The following PTGR3 variants were observed in gnomAD, a reference collection of about 807,000 sequenced individuals.
The protein encoded by PTGR3 is prostaglandin reductase 3.
the PTGR3 span, chr18:75,201,325 C>T: frequency 8.9e-7 from 1 of 1,120,446 alleles, no homozygotes; most frequent in Non-Finnish European, 1.3e-6. Context: ...ATATTATATC[C>T]ATTACCAACT....
chr18:75,206,397 C>T, the PTGR3 span, among the ~76,000 whole-genome samples: 218 of 152,320 alleles, frequency 1.4e-3, no homozygotes, highest in Middle Eastern at 0.01. Context: ...TAGGCTTACT[C>T]AATTCATTCT....
the PTGR3 span, chr18:75,201,876 T>G: frequency 6.2e-7 from 1 of 1,614,090 alleles, no homozygotes; most frequent in Non-Finnish European, 8.5e-7. Context: ...GGGTTCAGTT[T>G]TATAGTTGAT....
chr18:75,204,693 C>G, the PTGR3 span, among the ~76,000 whole-genome samples: 1 of 152,134 alleles, frequency 6.6e-6, no homozygotes. Flanking sequence ...GGGCCGGGAC[C>G]GCGCAGGCCC....
At chr18:75,195,177 A>G in the PTGR3 span, 1 of 152,248 alleles carries the variant, frequency 6.6e-6, no homozygotes. Context: ...TCCTAGCATT[A>G]AAACTAAATT....
the PTGR3 span, among the ~76,000 whole-genome samples, chr18:75,203,216 C>A: frequency 2.0e-5 from 3 of 152,082 alleles, no homozygotes; most frequent in Admixed American, 2.0e-4. Flanking sequence ...TTTTTCCCAG[C>A]TTTTTTCATC....
chr18:75,199,652 C>T, the PTGR3 span: 2 of 148,846 alleles, frequency 1.3e-5, no homozygotes, highest in Non-Finnish European at 2.9e-5. Flanking sequence ...CCACACTGGA[C>T]GGGTTTTTCC....
chr18:75,196,992 C>T, the PTGR3 span: 2 of 152,122 alleles, frequency 1.3e-5, no homozygotes, highest in Non-Finnish European at 2.9e-5. Context: ...CTAAGAATCA[C>T]TTGATCTGAT....
the PTGR3 span, chr18:75,201,428 G>A: frequency 4.3e-6 from 7 of 1,609,424 alleles, no homozygotes; most frequent in Non-Finnish European, 6.0e-6. Flanking sequence ...ACAGCTTACT[G>A]TTGACAGAGT....
the PTGR3 span, chr18:75,196,610 T>A: frequency 2.5e-5 from 3 of 120,172 alleles, no homozygotes; most frequent in African/African-American, 3.3e-5. Context: ...CCAGCCTGGG[T>A]GACAGAGCCG....
chr18:75,201,838 G>C, the PTGR3 span: 2 of 1,614,034 alleles, frequency 1.2e-6, no homozygotes, highest in Admixed American at 3.3e-5. Flanking sequence ...ACACCTTCAG[G>C]GTACTCCTGC....
At chr18:75,208,601 T>A in the PTGR3 span, 2 of 908,642 alleles carry the variant, frequency 2.2e-6, no homozygotes, top group South Asian at 1.1e-4. Flanking sequence ...GAATCCCAAA[T>A]TAAAATAACC....
the PTGR3 span, chr18:75,202,052 C>T: frequency 6.2e-7 from 1 of 1,614,154 alleles, no homozygotes; most frequent in Non-Finnish European, 8.5e-7. Flanking sequence ...GTCCTCCGAG[C>T]TCTTTCAGGC....
At chr18:75,205,313 A>G in the PTGR3 span, 17 of 985,700 alleles carry the variant, frequency 1.7e-5, no homozygotes, top group Non-Finnish European at 2.0e-5. Flanking sequence ...CCAGGGAGCC[A>G]CAGAAAGACA....
the PTGR3 span, chr18:75,201,941 G>C: frequency 6.2e-7 from 1 of 1,614,212 alleles, no homozygotes; most frequent in Admixed American, 1.7e-5. Context: ...CAGAAGAGCA[G>C]GTTCCAATTA....
At chr18:75,205,518 C>A in the PTGR3 span, 1 of 983,174 alleles carries the variant, frequency 1.0e-6, no homozygotes, top group Non-Finnish European at 1.2e-6. Context: ...CAAATCTGTA[C>A]CCTTCTAGAG....
At chr18:75,207,513 C>T in the PTGR3 span, among the ~76,000 whole-genome samples, 2 of 152,174 alleles carry the variant, frequency 1.3e-5, no homozygotes, top group Admixed American at 6.5e-5. Context: ...ACTGGCATTT[C>T]ATCCCATAAT....
chr18:75,205,227 T>G, the PTGR3 span: 1 of 985,490 alleles, frequency 1.0e-6, no homozygotes, highest in Non-Finnish European at 1.2e-6. Context: ...CGCCTTCCGC[T>G]CCACCAGAAA....
chr18:75,209,058 T>C, the PTGR3 span: 6 of 1,536,712 alleles, frequency 3.9e-6, no homozygotes, highest in Non-Finnish European at 5.2e-6. The surrounding 1 kb of genome is among the most constrained non-coding windows in gnomAD (Gnocchi z 4.7). Flanking sequence ...AGCCGCAGCA[T>C]GGCCTGCGCC....
chr18:75,202,205 G>T, the PTGR3 span: 2 of 1,614,132 alleles, frequency 1.2e-6, no homozygotes, highest in Non-Finnish European at 1.7e-6. Flanking sequence ...GGCCAACTGT[G>T]TATCTGGCAC....
Sources: gnomAD v4.1 joint callset for allele counts (sites outside exome capture counted in the v4.1 genomes callset) on GRCh38, gnomAD v4.1.1 for gene constraint, Gnocchi (gnomAD v3.1) non-coding constraint, MANE v1.5 for transcripts, NCBI Gene and HGNC (gene_info 2026-07-23, HGNC 2026-07-21) for gene names.